Variants in NEUROG2 observed in about 807,000 individuals in gnomAD.
NEUROG2 encodes neurogenin-2.
NEUROG2 carries 1 observed loss-of-function variant against 2.8 expected under a neutral mutation model. The ratio of observed to expected loss-of-function variants is 0.36; its 90% confidence interval spans 0.13 to 1.71. The LOEUF is 1.71. Among genes scored for constraint, NEUROG2 ranks in the 40% most tolerant of loss-of-function variants. NEUROG2 has a pLI of 0.34. For missense variants in NEUROG2, 397 were observed against 392.7 expected (o/e 1.01, Z -0.09); for synonymous variants, 211 against 187.7 (o/e 1.12, Z -1.01).
Position 112,514,705 on chromosome 4 carries a change from G to T in NEUROG2, c.771C>A (p.Asp257Glu), listed in dbSNP as rs1168437029. 2.6e-6 allele frequency: 4 copies of T among 1,518,334 alleles called. No individual in the cohort carries two copies. In the Admixed American group the frequency reaches 6.8e-5, roughly 26 times the overall value. The allele number at this position is 1,518,334 out of a possible 1,614,324, so 94.1% of individuals were successfully genotyped here. ...GGAGGTGAGGTGCATAGCGGTGCTT[G>T]TCGGGAGGTGGGGGCTGCCAATAGT... ...DMDYWQPPPP[D>E]KHRYAPHLPI... is the part of the protein sequence containing the mutation. Residue 257 changes from aspartate to glutamate, a missense_variant, in exon 2 of 2, where the codon GAC (aspartate) becomes GAA (glutamate). Asp to Glu is a conservative substitution (Grantham distance 45). Transcript: ENST00000313341.
rs746922059 is a variant in NEUROG2, at chr4:112,515,167, G to A, written c.309C>T (p.Ala103=). ...ARAVSRGAKT[A]ETVQRIKKTR... ...TCTTCTTGATGCGCTGCACCGTCTCGGCCGTCTTGGCGCCTCGGGAGACGG... is the reference window on the plus strand; with the variant it reads ...TCTTCTTGATGCGCTGCACCGTCTCAGCCGTCTTGGCGCCTCGGGAGACGG... The change falls in exon 2 of 2, where the codon GCC becomes GCT. Residue 103 remains alanine (A), a synonymous_variant. Coordinates refer to ENST00000313341, the MANE Select transcript of NEUROG2 (RefSeq NM_024019.4). 6.2e-7 allele frequency: 1 copy of A among 1,613,056 alleles called. No individual in the cohort carries two copies. The highest frequency in any genetic ancestry group is 8.5e-7 in the Non-Finnish European group (1 of 1,179,834).
Position 112,514,470 on chromosome 4 carries a change from G to A in NEUROG2, c.*187C>T. 2.2e-6 allele frequency: 1 copy of A among 461,584 alleles called. No individual in the cohort carries two copies. The highest frequency in any genetic ancestry group is 4.1e-5 in the Admixed American group (1 of 24,294). 28.6% of individuals were successfully genotyped at this position (461,584 alleles called of 1,614,324 possible). A position where few individuals can be genotyped will look rare whatever the true frequency, so the allele number is the denominator to read the frequency against. On this transcript the variant is annotated 3_prime_UTR_variant, in exon 2 of 2. Coordinates refer to ENST00000313341, the MANE Select transcript of NEUROG2 (RefSeq NM_024019.4). The stretch of plus-strand genomic sequence containing the variant: ...ACCTTCAGTAAATCAGAGCCCGTCT[G>A]AATGAAGGATACCCAAAGCCAAGAA...
At chr4:112,515,574 A>C in intron 1 of NEUROG2, 98 bp from the exon 2 acceptor site, 1 of 1,058,778 alleles carries the variant, frequency 9.4e-7, no homozygotes. Context: ...CGCGCACCCG[A>C]GAAGACCAGC....
In NEUROG2 at chr4:112,515,358, C is replaced by A; in HGVS notation, c.118G>T (p.Glu40Ter). 1 of 1,494,390 alleles carries A rather than the reference C, an allele frequency of 6.7e-7. No individual in the cohort carries two copies. Among genetic ancestry groups the A allele is most frequent in the South Asian group, 1.4e-5 (1 of 73,980 alleles). The allele number at this position is 1,494,390 out of a possible 1,614,324, so 92.6% of individuals were successfully genotyped here. ...GACGCGCCCGGCTCCTCCTCCTCTT[C>A]TTCGTCGGCGCTGGATGACAGCGGG... is the stretch of plus-strand genomic sequence containing the variant. ...LTPLSSSADE[E>*]EEEEPGASGG... The change falls in exon 2 of 2, where the codon GAA (glutamate) becomes TAA (stop). Residue 40 changes from glutamate to a stop codon, truncating the protein, a stop_gained. Coordinates refer to ENST00000313341, the MANE Select transcript of NEUROG2 (RefSeq NM_024019.4). LOFTEE classifies it low-confidence loss of function (END_TRUNC).
chr4:112,514,608 A>C lies in NEUROG2; in HGVS notation c.*49T>G, dbSNP rs770026329. 5.9e-5 allele frequency: 85 copies of C among 1,438,110 alleles called. No homozygotes were observed. Among genetic ancestry groups the C allele is most frequent in the Admixed American group, 1.0e-4 (4 of 38,588 alleles). The allele number at this position is 1,438,110 out of a possible 1,614,324, so 89.1% of individuals were successfully genotyped here. ...AAGGGAGGAGGGCTCGACTGGGGACAGGAAAGGGAACCCACTAAGGCCTGG... is the reference window on the plus strand; with the variant it reads ...AAGGGAGGAGGGCTCGACTGGGGACCGGAAAGGGAACCCACTAAGGCCTGG... On this transcript the variant is annotated 3_prime_UTR_variant, in exon 2 of 2. Transcript: ENST00000313341.
rs1736444378 is a variant in NEUROG2 at position 112,516,024 on chromosome 4, G to A, written c.-179C>T. On this transcript the variant is annotated 5_prime_UTR_variant, in exon 1 of 2. Transcript: ENST00000313341. ...GACCGGCGAGTTTGCCAAGAGCCCC[G>A]GCGGCGGCGGCGGCGGCCCGCCCGG... is the stretch of plus-strand genomic sequence containing the variant. 2 of 153,628 alleles carry A rather than the reference G, an allele frequency of 1.3e-5. No homozygotes were observed. Among genetic ancestry groups the A allele is most frequent in the African/African-American group, 4.8e-5 (2 of 41,424 alleles). The allele number at this position is 153,628 out of a possible 1,614,324, so 9.5% of individuals were successfully genotyped here. A position where few individuals can be genotyped will look rare whatever the true frequency, so the allele number is the denominator to read the frequency against.
In NEUROG2 at chr4:112,515,237, A is replaced by G. The variant is rs576243276; in HGVS notation, c.239T>C (p.Leu80Pro). 12 of 1,596,388 alleles carry G rather than the reference A, an allele frequency of 7.5e-6. No individual in the cohort carries two copies. The African/African-American group carries it at 1.5e-4, about 20-fold the overall frequency. The change falls in exon 2 of 2, where the codon CTG becomes CCG. Residue 80 changes from leucine (L) to proline (P), a missense_variant. Physicochemically the swap from Leu to Pro is moderately conservative, Grantham distance 98. Coordinates refer to ENST00000313341, the MANE Select transcript of NEUROG2 (RefSeq NM_024019.4). ...CCGTTTGCAATCGTGTACCAGACCC[A>G]GCAGCCGTGCGGGCCGGCAGCCCTC... ...GAEGCRPARLLGLVHDCKRRP... is the reference protein window; with the variant it reads ...GAEGCRPARLPGLVHDCKRRP...
Position 112,514,794 on chromosome 4 carries a change from A to G in NEUROG2, c.682T>C (p.Ser228Pro). The change falls in exon 2 of 2, where the codon TCC becomes CCC. Residue 228 changes from serine to proline, a missense_variant. Physicochemically the swap from Ser to Pro is moderately conservative, Grantham distance 74. Transcript: ENST00000313341. Reference protein sequence around the residue: ...NSPAPSSSVSSNSTSPYSCTL... With the variant: ...NSPAPSSSVSPNSTSPYSCTL... ...CAGCTGTAGGGGGAGGTGGAATTGG[A>G]GGACACGGAGGAGGACGGCGCGGGG... 1.3e-6 allele frequency: 2 copies of G among 1,554,442 alleles called. No individual in the cohort carries two copies. The highest frequency in any genetic ancestry group is 1.7e-6 in the Non-Finnish European group (2 of 1,156,162).
rs771137125 is a variant in NEUROG2, at chr4:112,515,309, C to A, written c.167G>T (p.Gly56Val). ...GASGGARRQR[G>V]AEAGQGARGG... ...CCGCGCCCCCTGCCCGGCCTCAGCC[C>A]CGCGCTGCCGACGCGCCCCGCCTGA... Residue 56 changes from glycine to valine, a missense_variant, in exon 2 of 2, where the codon GGG becomes GTG. Gly to Val is a moderately radical substitution (Grantham distance 109). Coordinates refer to ENST00000313341, the MANE Select transcript of NEUROG2 (RefSeq NM_024019.4). 8 of 1,411,700 alleles carry A rather than the reference C, an allele frequency of 5.7e-6. No homozygotes were observed. Among genetic ancestry groups the A allele is most frequent in the Non-Finnish European group, 6.4e-6 (7 of 1,090,928 alleles). The allele number at this position is 1,411,700 out of a possible 1,614,324, so 87.4% of individuals were successfully genotyped here.
chr4:112,515,747 G>A, intron 1 of NEUROG2, 100 bp downstream of exon 1: 1 of 302,772 alleles, frequency 3.3e-6, no homozygotes, highest in South Asian at 7.1e-5. Flanking sequence ...TGCGGCCTCC[G>A]CGACAAAGAT....
Position 112,514,552 on chromosome 4 carries a change from G to T in NEUROG2, c.*105C>A. 1 of 912,356 alleles carries T rather than the reference G, an allele frequency of 1.1e-6. No individual in the cohort carries two copies. Among genetic ancestry groups the T allele is most frequent in the Non-Finnish European group, 1.6e-6 (1 of 634,584 alleles). 56.5% of individuals were successfully genotyped at this position (912,356 alleles called of 1,614,324 possible). ...TACACCTGCCCTGTGAAGTGAGATG[G>T]TTTCCAGGGCGTGGAAAGGAGGGGC... On this transcript the variant is annotated 3_prime_UTR_variant, in exon 2 of 2. Coordinates refer to ENST00000313341, the MANE Select transcript of NEUROG2 (RefSeq NM_024019.4).
At position 112,515,289 on chromosome 4, in the gene NEUROG2, C is replaced by T; in HGVS notation, c.187G>A (p.Ala63Thr). 1 of 1,481,820 alleles carries T rather than the reference C, an allele frequency of 6.7e-7. No individual in the cohort carries two copies. Among genetic ancestry groups the T allele is most frequent in the Non-Finnish European group, 8.9e-7 (1 of 1,126,800 alleles). The allele number at this position is 1,481,820 out of a possible 1,614,324, so 91.8% of individuals were successfully genotyped here. The change falls in exon 2 of 2, where the codon GCG becomes ACG. Residue 63 changes from alanine to threonine, a missense_variant. Transcript: ENST00000313341. ...RQRGAEAGQG[A>T]RGGVAAGAEG... ...GCACCCGCAGCCACGCCGCCCCGCG[C>T]CCCCTGCCCGGCCTCAGCCCCGCGC... is the stretch of plus-strand genomic sequence containing the variant.
chr4:112,515,201 C>T lies in NEUROG2; in HGVS notation c.275G>A (p.Arg92Gln), dbSNP rs1182161642. Residue 92 changes from arginine to glutamine, a missense_variant, in exon 2 of 2, where the codon CGG becomes CAG. By Grantham distance (43) the Arg-to-Gln change is conservative. Coordinates refer to ENST00000313341, the MANE Select transcript of NEUROG2 (RefSeq NM_024019.4). ...LVHDCKRRPSRARAVSRGAKT... is the reference protein window; with the variant it reads ...LVHDCKRRPSQARAVSRGAKT... ...GGCGCCTCGGGAGACGGCCCGCGCC[C>T]GGGAAGGGCGCCGTTTGCAATCGTG... 6.2e-7 allele frequency: 1 copy of T among 1,609,644 alleles called. No homozygotes were observed. The highest frequency in any genetic ancestry group is 1.7e-5 in the Admixed American group (1 of 59,974).
rs567420035 is a variant in NEUROG2 at position 112,514,345 on chromosome 4, A to C, written c.*312T>G. On this transcript the variant is annotated 3_prime_UTR_variant, in exon 2 of 2. Transcript: ENST00000313341. ...GGAGGAGCGTCAGTCCGCTCTGCAA[A>C]CTCTTTAGATATGCCACCATCATCT... is the stretch of plus-strand genomic sequence containing the variant. The C allele has an allele frequency of 1.6e-5, 5 of 313,320 alleles. 1 individual carries two copies. In the South Asian group the frequency reaches 7.8e-4, roughly 49 times the overall value. 19.4% of individuals were successfully genotyped at this position (313,320 alleles called of 1,614,324 possible).
intron 1 of NEUROG2, 158 bp downstream of exon 1, chr4:112,515,689 G>A (rs1269645764): frequency 2.6e-6 from 1 of 384,348 alleles, no homozygotes; most frequent in South Asian, 6.0e-5. Flanking sequence ...CAGTCAGCCG[G>A]GTCCTGCCCT....
In NEUROG2 at chr4:112,513,671, G is replaced by T. The variant is rs192806168; in HGVS notation, c.*986C>A. 6.5e-6 allele frequency: 1 copy of T among 152,680 alleles called. No individual in the cohort carries two copies. The highest frequency in any genetic ancestry group is 6.5e-5 in the Admixed American group (1 of 15,300). 9.5% of individuals were successfully genotyped at this position (152,680 alleles called of 1,614,324 possible). On this transcript the variant is annotated 3_prime_UTR_variant, in exon 2 of 2. Coordinates refer to ENST00000313341, the MANE Select transcript of NEUROG2 (RefSeq NM_024019.4). Reference sequence around the variant, plus strand: ...CTTTATAATAAATAGAAGGGAACACGTGTGTGGCTGATCCGGATAATGCTC... The same window carrying T: ...CTTTATAATAAATAGAAGGGAACACTTGTGTGGCTGATCCGGATAATGCTC...
At position 112,514,774 on chromosome 4, in the gene NEUROG2, G is replaced by A; in HGVS notation, c.702C>T (p.Tyr234=). 1 of 1,546,888 alleles carries A rather than the reference G, an allele frequency of 6.5e-7. No homozygotes were observed. Residue 234 remains tyrosine, a synonymous_variant, in exon 2 of 2, where the codon TAC becomes TAT. Coordinates refer to ENST00000313341, the MANE Select transcript of NEUROG2 (RefSeq NM_024019.4). ...GGCTGGCGGGCGATAAAGTGCAGCTGTAGGGGGAGGTGGAATTGGAGGACA... is the reference window on the plus strand; with the variant it reads ...GGCTGGCGGGCGATAAAGTGCAGCTATAGGGGGAGGTGGAATTGGAGGACA... ...SSVSSNSTSP[Y]SCTLSPASPA...
Position 112,513,529 on chromosome 4 carries a change from ATAGT to A in NEUROG2, c.*1124_*1127del, listed in dbSNP as rs1325502531. On this transcript the variant is annotated 3_prime_UTR_variant, in exon 2 of 2. Coordinates refer to ENST00000313341, the MANE Select transcript of NEUROG2 (RefSeq NM_024019.4). ...CAACACACAAACTTATGAAAATTAG[ATAGT>A]TTATTTATAGTTTAATCACAAGAAC... 2.0e-5 allele frequency: 3 copies of A among 152,622 alleles called. No homozygotes were observed. Among genetic ancestry groups the A allele is most frequent in the Admixed American group, 6.5e-5 (1 of 15,290 alleles). The allele number at this position is 152,622 out of a possible 1,614,324, so 9.5% of individuals were successfully genotyped here.
Position 112,515,477 on chromosome 4 carries a change from C to G in NEUROG2, c.-1-1G>C, listed in dbSNP as rs1205423951. On this transcript the variant is annotated splice_acceptor_variant, in intron 1 of 1. Transcript: ENST00000313341. LOFTEE classifies it low-confidence loss of function (5UTR_SPLICE). ...CAAGGTCTCGGATTTGACGAACATC[C>G]TACCGAAGAGAGAAAGGGGAAAAAG... 6.6e-7 allele frequency: 1 copy of G among 1,516,918 alleles called. No homozygotes were observed. The highest frequency in any genetic ancestry group is 1.3e-5 in the South Asian group (1 of 78,686). 94.0% of individuals were successfully genotyped at this position (1,516,918 alleles called of 1,614,324 possible).
Sources: allele counts gnomAD v4.1 joint callset, GRCh38; gene constraint gnomAD v4.1.1; transcripts MANE v1.5; gene names NCBI Gene and HGNC (gene_info 2026-07-23, HGNC 2026-07-21).